The following PRG4 variants were observed in gnomAD, a reference collection of about 807,000 sequenced individuals.
PRG4 encodes the protein articular superficial zone protein.
PRG4 carries 61 observed loss-of-function variants against 91.2 expected under a neutral mutation model. That is an observed-to-expected ratio of 0.67 (90% CI 0.54 to 0.83). The LOEUF (loss-of-function observed/expected upper bound fraction) is 0.83, where lower values mean the gene tolerates loss of function less well. Among genes scored for constraint, PRG4 ranks in the 40% least tolerant of loss-of-function variants. PRG4 has a pLI of 0.00. For missense variants in PRG4, 1,564 were observed against 1,714.2 expected (o/e 0.91, Z 1.55); for synonymous variants, 576 against 614.2 (o/e 0.94, Z 0.92).
intron 2 of PRG4, among the ~76,000 whole-genome samples, chr1:186,298,675 A>G (rs1571548181): frequency 6.6e-6 from 1 of 151,706 alleles, no homozygotes; most frequent in Non-Finnish European, 1.5e-5. Context: ...ATTTTTAGTA[A>G]AGACAGGTTT....
chr1:186,304,904 T>A lies in PRG4; in HGVS notation c.580T>A (p.Leu194Ile), dbSNP rs1331348497. ...SSKNSAANRE[L>I]QKKLKVKDNK... Reference sequence around the variant, plus strand: ...CAAAAATTCAGCTGCTAATAGAGAATTACAGAAGAAACTCAAAGGTTTGAG... The same window carrying A: ...CAAAAATTCAGCTGCTAATAGAGAAATACAGAAGAAACTCAAAGGTTTGAG... The change falls in exon 6 of 13, where the codon TTA (leucine) becomes ATA (isoleucine). Residue 194 changes from leucine to isoleucine, a missense_variant. By Grantham distance (5) the Leu-to-Ile change is conservative. Around this residue, in one of 3 missense-constraint regions of PRG4, gnomAD observed 437 missense variants for 459.0 expected, o/e 0.95. Coordinates refer to ENST00000445192, the MANE Select transcript of PRG4 (RefSeq NM_005807.6). 3 of 1,612,940 alleles carry A rather than the reference T, an allele frequency of 1.9e-6. No homozygotes were observed. Among genetic ancestry groups the A allele is most frequent in the African/African-American group, 2.7e-5 (2 of 74,784 alleles).
intron 11 of PRG4, 144 bp from the exon 12 acceptor site, chr1:186,312,625 A>G: frequency 2.2e-6 from 2 of 913,356 alleles, no homozygotes; most frequent in South Asian, 3.0e-5. Context: ...ACTTCTTACC[A>G]AGAACATTAT....
chr1:186,306,357 C>A lies in PRG4; in HGVS notation c.638C>A (p.Thr213Asn), dbSNP rs558034730. ...NKKNRTKKKP[T>N]PKPPVVDEAG... ...AAGAACAGAACTAAAAAGAAACCTA[C>A]CCCCAAACCACCAGTTGTAGATGAA... Residue 213 changes from threonine (T) to asparagine (N), a missense_variant, in exon 7 of 13, where the codon ACC becomes AAC. Thr to Asn is a moderately conservative substitution (Grantham distance 65). Coordinates refer to ENST00000445192, the MANE Select transcript of PRG4 (RefSeq NM_005807.6). 5 of 1,608,872 alleles carry A rather than the reference C, an allele frequency of 3.1e-6. No individual in the cohort carries two copies. The highest frequency in any genetic ancestry group is 3.4e-6 in the Non-Finnish European group (4 of 1,178,364).
Position 186,313,783 on chromosome 1 carries a change from A to G in PRG4, c.*5A>G. ...GTCTGGTACAACTGTCCTTAGACTG[A>G]TGAGCAAAGGAGGAGTCAACTAATG... On this transcript the variant is annotated 3_prime_UTR_variant, in exon 13 of 13. Transcript: ENST00000445192. The G allele has an allele frequency of 6.3e-7, 1 of 1,584,306 alleles. No individual in the cohort carries two copies.
chr1:186,312,146 T>G (rs1208481620), intron 10 of PRG4, 29 bp from the exon 11 acceptor site: 2 of 1,601,222 alleles, frequency 1.2e-6, no homozygotes, highest in Non-Finnish European at 1.7e-6. Context: ...TAATTTTCAT[T>G]TTCCATGTGA....
Position 186,313,800 on chromosome 1 carries a change from C to A in PRG4, c.*22C>A. 1 of 1,549,118 alleles carries A rather than the reference C, an allele frequency of 6.5e-7. No individual in the cohort carries two copies. Among genetic ancestry groups the A allele is most frequent in the Non-Finnish European group, 8.9e-7 (1 of 1,121,174 alleles). ...TTAGACTGATGAGCAAAGGAGGAGT[C>A]AACTAATGAAGAAATGAATAATAAA... On this transcript the variant is annotated 3_prime_UTR_variant, in exon 13 of 13. Transcript: ENST00000445192.
At chr1:186,303,110 T>C (rs1219771130) in intron 4 of PRG4, among the ~76,000 whole-genome samples, 1 of 152,206 alleles carries the variant, frequency 6.6e-6, no homozygotes, top group Admixed American at 6.5e-5. Context: ...AGATACTACT[T>C]ACAGGTGTCT....
intron 6 of PRG4, among the ~76,000 whole-genome samples, chr1:186,305,478 A>AGAG (rs1271280119): frequency 6.6e-6 from 1 of 152,190 alleles, no homozygotes; most frequent in Non-Finnish European, 1.5e-5. Context: ...TTGCCTGAAA[A>AGAG]GAGATTTCCT....
chr1:186,304,025 C>G, intron 4 of PRG4, 83 bp from the exon 5 acceptor site: 1 of 1,435,538 alleles, frequency 7.0e-7, no homozygotes, highest in South Asian at 1.2e-5. Context: ...ACTCTTGAAG[C>G]TAGATGCATC....
chr1:186,307,605 C>G lies in PRG4; in HGVS notation c.1886C>G (p.Pro629Arg), dbSNP rs1424715942. ...CCCAAGAAGCTCACGCCCACCACCCCCGAGAAGCTCGCACCCACCACCCCT... is the reference window on the plus strand; with the variant it reads ...CCCAAGAAGCTCACGCCCACCACCCGCGAGAAGCTCGCACCCACCACCCCT... ...TTPKKLTPTT[P>R]EKLAPTTPEK... is the part of the protein sequence containing the mutation. The change falls in exon 7 of 13, where the codon CCC becomes CGC. Residue 629 changes from proline to arginine, a missense_variant. Physicochemically the swap from Pro to Arg is moderately radical, Grantham distance 103 (BLOSUM62 -2). Coordinates refer to ENST00000445192, the MANE Select transcript of PRG4 (RefSeq NM_005807.6). The G allele has an allele frequency of 6.3e-7, 1 of 1,596,890 alleles. No individual in the cohort carries two copies. The highest frequency in any genetic ancestry group is 1.4e-5 in the African/African-American group (1 of 72,426).
chr1:186,303,682 C>A (rs1244997094), intron 4 of PRG4, among the ~76,000 whole-genome samples: 2 of 151,846 alleles, frequency 1.3e-5, no homozygotes, highest in Non-Finnish European at 2.9e-5. Flanking sequence ...AAATTGGCAT[C>A]ATTTAATTTA....
intron 6 of PRG4, 66 bp downstream of exon 6, chr1:186,304,988 T>C (rs1656462500): frequency 6.6e-7 from 1 of 1,526,092 alleles, no homozygotes. Flanking sequence ...TATTTAAAAG[T>C]AATGCGTGTT....
intron 6 of PRG4, among the ~76,000 whole-genome samples, chr1:186,305,443 G>C (rs191295550): frequency 6.6e-6 from 1 of 152,118 alleles, no homozygotes; most frequent in African/African-American, 2.4e-5. Flanking sequence ...CTCTAGTAGA[G>C]ACTGTGCTAC....
At position 186,313,843 on chromosome 1, in the gene PRG4, A is replaced by G; in HGVS notation, c.*65A>G. 6.7e-7 allele frequency: 1 copy of G among 1,492,950 alleles called. No homozygotes were observed. Among genetic ancestry groups the G allele is most frequent in the South Asian group, 1.1e-5 (1 of 88,494 alleles). The allele number at this position is 1,492,950 out of a possible 1,614,324, so 92.5% of individuals were successfully genotyped here. A position where few individuals can be genotyped will look rare whatever the true frequency, so the allele number is the denominator to read the frequency against. ...ATAATAAATTTTGACACTGAAAAAC[A>G]TTTTATTAATAAAGAATATTGACAT... On this transcript the variant is annotated 3_prime_UTR_variant, in exon 13 of 13. Coordinates refer to ENST00000445192, the MANE Select transcript of PRG4 (RefSeq NM_005807.6).
At chr1:186,309,688 A>G in intron 7 of PRG4, 105 bp from the exon 8 acceptor site, 3 of 861,182 alleles carry the variant, frequency 3.5e-6, no homozygotes, top group Non-Finnish European at 5.9e-6. Flanking sequence ...TCAAGATCTT[A>G]GAAAAGGTAA....
chr1:186,313,780 C>A lies in PRG4; in HGVS notation c.*2C>A. The A allele has an allele frequency of 6.3e-7, 1 of 1,588,954 alleles. No individual in the cohort carries two copies. The highest frequency in any genetic ancestry group is 1.3e-5 in the African/African-American group (1 of 74,390). ...AAAGTCTGGTACAACTGTCCTTAGA[C>A]TGATGAGCAAAGGAGGAGTCAACTA... On this transcript the variant is annotated 3_prime_UTR_variant, in exon 13 of 13. Transcript: ENST00000445192.
In PRG4 at chr1:186,306,683, G is replaced by A. The variant is rs1338412439; in HGVS notation, c.964G>A (p.Ala322Thr). The A allele has an allele frequency of 6.2e-7, 1 of 1,613,692 alleles. No homozygotes were observed. The highest frequency in any genetic ancestry group is 1.7e-5 in the Admixed American group (1 of 59,992). ...AGAGAAAACATCTGCTAAAGATTTAGCACCCACATCTAAAGTGCTGGCTAA... is the reference window on the plus strand; with the variant it reads ...AGAGAAAACATCTGCTAAAGATTTAACACCCACATCTAAAGTGCTGGCTAA... Reference protein sequence around the residue: ...SIEKTSAKDLAPTSKVLAKPT... With the variant: ...SIEKTSAKDLTPTSKVLAKPT... The change falls in exon 7 of 13, where the codon GCA becomes ACA. Residue 322 changes from alanine (A) to threonine (T), a missense_variant. This residue lies in a region of PRG4 where 437 missense variants were observed against 459.0 expected (regional missense o/e 0.95). Coordinates refer to ENST00000445192, the MANE Select transcript of PRG4 (RefSeq NM_005807.6).
rs1184545628 is a variant in PRG4 at position 186,308,108 on chromosome 1, C to T, written c.2389C>T (p.Pro797Ser). Residue 797 changes from proline to serine, a missense_variant, in exon 7 of 13, where the codon CCT (proline) becomes TCT (serine). By Grantham distance (74) the Pro-to-Ser change is moderately conservative (BLOSUM62 -1). Transcript: ENST00000445192. ...KEPAPTTPKK[P>S]APKELAPTTT... The stretch of plus-strand genomic sequence containing the variant: ...ACCTGCACCCACTACTCCCAAGAAG[C>T]CTGCCCCCAAGGAGCTTGCACCCAC... 6.2e-7 allele frequency: 1 copy of T among 1,607,824 alleles called. No individual in the cohort carries two copies. The highest frequency in any genetic ancestry group is 8.5e-7 in the Non-Finnish European group (1 of 1,177,570).
intron 2 of PRG4, 139 bp downstream of exon 2, chr1:186,297,090 A>G: frequency 2.7e-6 from 2 of 754,658 alleles, no homozygotes; most frequent in Non-Finnish European, 4.5e-6. Context: ...AAAATAATAT[A>G]TAACATGTAG....
Sources: gnomAD v4.1 joint callset for allele counts (sites outside exome capture counted in the v4.1 genomes callset) on GRCh38, gnomAD v4.1.1 for gene constraint, gnomAD v4.1.1 regional missense constraint, MANE v1.5 for transcripts, NCBI Gene and HGNC (gene_info 2026-07-23, HGNC 2026-07-21) for gene names.